The following SSBP2 variants were observed in gnomAD, a reference collection of about 807,000 sequenced individuals.
SSBP2 encodes the protein single-stranded DNA-binding protein 2.
Under a neutral mutation model 61.8 loss-of-function variants are expected in SSBP2, and 17 were observed. The observed-to-expected ratio is 0.28, with a 90% CI of 0.19 to 0.41. The LOEUF is 0.41. SSBP2 is among the 10% of genes least tolerant of loss of function. SSBP2 has a pLI of 1.00. For missense variants in SSBP2, 310 were observed against 458.7 expected, an observed-to-expected ratio of 0.68 and a Z score of 2.96; for synonymous variants, 139 against 141.3, an observed-to-expected ratio of 0.98 and a Z score of 0.12.
chr5:81,483,081 T>A (rs1471108146), intron 6 of SSBP2, among the ~76,000 whole-genome samples: 2 of 152,080 alleles, frequency 1.3e-5, no homozygotes, highest in Non-Finnish European at 2.9e-5. Context: ...CATACAGAAT[T>A]ATGAATTAAG....
intron 10 of SSBP2, among the ~76,000 whole-genome samples, chr5:81,454,396 T>C (rs971193508): frequency 8.5e-5 from 13 of 152,178 alleles, no homozygotes; most frequent in African/African-American, 3.1e-4. Context: ...AAGAGATAGA[T>C]AGGGACAGGC....
At chr5:81,540,707 T>C (rs1367126766) in intron 4 of SSBP2, among the ~76,000 whole-genome samples, 1 of 152,222 alleles carries the variant, frequency 6.6e-6, no homozygotes, top group Non-Finnish European at 1.5e-5. Flanking sequence ...AATGTACATA[T>C]AACTTTTATA....
At position 81,627,825 on chromosome 5, in the gene SSBP2, A is replaced by C. The variant is rs547167302; in HGVS notation, c.197+8732T>G. The stretch of plus-strand genomic sequence containing the variant: ...GTAATCCCAGCACTTTGGCAGGCAG[A>C]AGCAGAGGCGAGTGAGTCTCGATCC... On this transcript the variant is annotated intron_variant, in intron 3 of 16. Coordinates refer to ENST00000320672, the MANE Select transcript of SSBP2 (RefSeq NM_012446.5). Among the ~76,000 whole-genome samples, 4 of 152,240 alleles carry C rather than the reference A, an allele frequency of 2.6e-5. No homozygotes were observed. The East Asian group carries it at 7.7e-4, about 29-fold the overall frequency.
chr5:81,546,176 T>C (rs1463405266), intron 4 of SSBP2, among the ~76,000 whole-genome samples: 1 of 152,208 alleles, frequency 6.6e-6, no homozygotes, highest in Non-Finnish European at 1.5e-5. Flanking sequence ...TAGCAATGAA[T>C]AGGCATTATC....
chr5:81,522,291 T>A (rs895174591), intron 4 of SSBP2, among the ~76,000 whole-genome samples: 4 of 152,048 alleles, frequency 2.6e-5, no homozygotes, highest in African/African-American at 9.7e-5. Context: ...AATACAGAAT[T>A]GAGTGTAACA....
chr5:81,638,989 TTTTC>T (rs1317002000), intron 2 of SSBP2, among the ~76,000 whole-genome samples: 14 of 152,176 alleles, frequency 9.2e-5, no homozygotes, highest in Admixed American at 5.9e-4. Context: ...GAGGTTTTTC[TTTTC>T]TTTCTTTCTG....
intron 7 of SSBP2, among the ~76,000 whole-genome samples, chr5:81,474,091 G>GA (rs1421237036): frequency 1.3e-5 from 2 of 152,158 alleles, no homozygotes; most frequent in African/African-American, 4.8e-5. Flanking sequence ...TTTGGTTATT[G>GA]AGATTGTTAA....
intron 1 of SSBP2, among the ~76,000 whole-genome samples, chr5:81,732,562 T>C (rs1005273271): frequency 3.3e-5 from 5 of 152,272 alleles, no homozygotes; most frequent in African/African-American, 1.2e-4. Context: ...ATTTGCTTGT[T>C]TTTCCTATTT....
At chr5:81,584,903 CA>C (rs1774945443) in intron 4 of SSBP2, among the ~76,000 whole-genome samples, 3 of 151,956 alleles carry the variant, frequency 2.0e-5, no homozygotes, top group Admixed American at 2.0e-4. Context: ...ATAATGCTGT[CA>C]TATAAAAATT....
At chr5:81,476,320 T>C (rs1305183288) in intron 6 of SSBP2, among the ~76,000 whole-genome samples, 1 of 152,176 alleles carries the variant, frequency 6.6e-6, no homozygotes, top group Non-Finnish European at 1.5e-5. Flanking sequence ...TGTTTCTTTT[T>C]TCTTTCTGGT....
intron 1 of SSBP2, among the ~76,000 whole-genome samples, chr5:81,741,776 T>C (rs1757040707): frequency 6.6e-6 from 1 of 152,232 alleles, no homozygotes; most frequent in Non-Finnish European, 1.5e-5. Flanking sequence ...AAAAATCAGC[T>C]TTCACTCATG....
At chr5:81,746,731 G>A (rs1026945139) in intron 1 of SSBP2, among the ~76,000 whole-genome samples, 4 of 152,016 alleles carry the variant, frequency 2.6e-5, no homozygotes, top group Non-Finnish European at 4.4e-5. Flanking sequence ...AGATTAGACA[G>A]TTTGATTCTT....
intron 4 of SSBP2, among the ~76,000 whole-genome samples, chr5:81,519,865 T>C (rs887522741): frequency 1.2e-4 from 19 of 152,156 alleles, no homozygotes; most frequent in African/African-American, 4.3e-4. Context: ...TCTATTAATT[T>C]ACTTTTTTTC....
At chr5:81,493,098 C>G (rs936768629) in intron 5 of SSBP2, among the ~76,000 whole-genome samples, 2 of 151,784 alleles carry the variant, frequency 1.3e-5, no homozygotes, top group Non-Finnish European at 2.9e-5. Flanking sequence ...CAACAGTCCT[C>G]TTTGTTGTGT....
rs1761355692 is a variant in SSBP2 at position 81,417,469 on chromosome 5, ATTT to A, written c.*3032_*3034del. The A allele has an allele frequency of 6.6e-6, 1 of 152,232 alleles. No homozygotes were observed. Among genetic ancestry groups the A allele is most frequent in the Non-Finnish European group, 1.5e-5 (1 of 68,048 alleles). The allele number at this position is 152,232 out of a possible 1,614,324, so 9.4% of individuals were successfully genotyped here. On this transcript the variant is annotated 3_prime_UTR_variant, in exon 17 of 17. Coordinates refer to ENST00000320672, the MANE Select transcript of SSBP2 (RefSeq NM_012446.5). ...GCTTACTTTTTCATTTTACATGTGT[ATTT>A]AATATGTTCAATGCAGCAAGAATTG...
intron 15 of SSBP2, among the ~76,000 whole-genome samples, chr5:81,432,996 C>T (rs1385655592): frequency 6.6e-6 from 1 of 150,628 alleles, no homozygotes; most frequent in Non-Finnish European, 1.5e-5. Flanking sequence ...GGGGGTCAGA[C>T]TCCCGCCCGG....
chr5:81,500,396 T>C (rs918305615), intron 5 of SSBP2, among the ~76,000 whole-genome samples: 10 of 152,160 alleles, frequency 6.6e-5, no homozygotes, highest in Admixed American at 3.9e-4. Flanking sequence ...GTATTTTTAG[T>C]AGAGACGGAG....
intron 1 of SSBP2, among the ~76,000 whole-genome samples, chr5:81,740,053 T>G (rs1342101124): frequency 1.3e-5 from 2 of 152,174 alleles, no homozygotes; most frequent in East Asian, 1.9e-4. Context: ...TTGCTTATAC[T>G]CTAATCTTTC....
At chr5:81,611,193 C>A (rs1250977745) in intron 4 of SSBP2, among the ~76,000 whole-genome samples, 1 of 152,140 alleles carries the variant, frequency 6.6e-6, no homozygotes, top group African/African-American at 2.4e-5. Flanking sequence ...CCTCTAATCT[C>A]AGTTGTCAAC....
Sources: gnomAD v4.1 joint callset for allele counts (sites outside exome capture counted in the v4.1 genomes callset) on GRCh38, gnomAD v4.1.1 for gene constraint, MANE v1.5 for transcripts, NCBI Gene and HGNC (gene_info 2026-07-23, HGNC 2026-07-21) for gene names.